Variants in EMC3 observed in about 807,000 individuals in gnomAD.
The protein encoded by EMC3 is ER membrane protein complex subunit 3.
Under a neutral mutation model 36.6 loss-of-function variants are expected in EMC3, and 13 were observed. The observed-to-expected ratio is 0.35, with a 90% confidence interval of 0.23 to 0.56. The LOEUF is 0.56. Ranked by LOEUF, EMC3 falls within the 20% of genes least tolerant of loss-of-function variation. The pLI, the probability that EMC3 is intolerant of heterozygous loss-of-function variation, is 0.84. For synonymous variants in EMC3, 120 were observed against 111.9 expected (o/e 1.07, Z -0.46); for missense variants, 220 against 324.5 (o/e 0.68, Z 2.47).
chr3:9,988,074 A>C (rs1304908376), upstream of EMC3: 1 of 601,952 alleles, frequency 1.7e-6, no homozygotes, highest in African/African-American at 1.9e-5. Context: ...CTGACATCCC[A>C]CAGTCAGAGT....
intron 6 of EMC3, 46 bp from the exon 7 acceptor site, chr3:9,969,847 AC>A: frequency 1.2e-6 from 2 of 1,603,046 alleles, no homozygotes; most frequent in Middle Eastern, 2.2e-4. Flanking sequence ...CTCAGCAAGC[AC>A]CCCAGCACCC....
intron 3 of EMC3, 79 bp from the exon 4 acceptor site, chr3:9,974,567 G>GTTT: frequency 1.0e-6 from 1 of 969,280 alleles, no homozygotes; most frequent in Non-Finnish European, 1.6e-6. Flanking sequence ...TCTGTAAACT[G>GTTT]TTTTTTTTTG....
chr3:9,964,472 A>G (rs1448800854), intron 7 of EMC3, among the ~76,000 whole-genome samples: 1 of 152,220 alleles, frequency 6.6e-6, no homozygotes, highest in Non-Finnish European at 1.5e-5. Flanking sequence ...CTGAGATTTA[A>G]ATTGTGGTCT....
At chr3:9,994,468 A>T in intron 1 of EMC3, 1 of 478,998 alleles carries the variant, frequency 2.1e-6, no homozygotes, top group Non-Finnish European at 3.8e-6. Flanking sequence ...CCCAGCCTTG[A>T]TGAAATGAAG....
At chr3:9,982,895 A>G (rs1028198121) in intron 1 of EMC3, among the ~76,000 whole-genome samples, 4 of 151,934 alleles carry the variant, frequency 2.6e-5, no homozygotes, top group Admixed American at 1.3e-4. Context: ...TTAAAAAAAA[A>G]AAAAGAAAAA....
chr3:9,994,293 G>GCA, intron 1 of EMC3: 8,123 of 908,934 alleles, frequency 8.9e-3, no homozygotes, highest in Non-Finnish European at 0.013. Flanking sequence ...CAAATAATGT[G>GCA]TTTATGTTTT....
At chr3:9,968,283 A>G (rs1031332185) in intron 7 of EMC3, among the ~76,000 whole-genome samples, 6 of 152,266 alleles carry the variant, frequency 3.9e-5, no homozygotes, top group African/African-American at 1.4e-4. Context: ...TATTATAAAT[A>G]AAATTGTTTT....
intron 7 of EMC3, among the ~76,000 whole-genome samples, chr3:9,964,924 T>C (rs1468934271): frequency 6.6e-6 from 1 of 152,108 alleles, no homozygotes; most frequent in African/African-American, 2.4e-5. Flanking sequence ...TACTTTGCCT[T>C]AAATTAGTGA....
At chr3:9,992,915 G>A in intron 1 of EMC3, 1 of 1,610,392 alleles carries the variant, frequency 6.2e-7, no homozygotes, top group South Asian at 1.1e-5. Flanking sequence ...CCAATACTCA[G>A]ACAAAGAAGT....
At chr3:9,969,944 T>G in intron 6 of EMC3, 143 bp from the exon 7 acceptor site, 11 of 1,360,142 alleles carry the variant, frequency 8.1e-6, no homozygotes, top group South Asian at 1.6e-5. Context: ...TATGTGACTC[T>G]AGGAAAGTCA....
intron 1 of EMC3, among the ~76,000 whole-genome samples, chr3:9,996,766 A>C (rs553372673): frequency 6.6e-6 from 1 of 152,318 alleles, no homozygotes; most frequent in South Asian, 2.1e-4. Flanking sequence ...AGGGACAATC[A>C]CTTTATAACC....
chr3:9,983,798 T>C (rs1035170694), intron 1 of EMC3, among the ~76,000 whole-genome samples: 3 of 152,050 alleles, frequency 2.0e-5, no homozygotes, highest in Admixed American at 6.6e-5. Flanking sequence ...GGGCAGAAAA[T>C]CATGGCAGAG....
chr3:9,994,624 A>G (rs2687910), intron 1 of EMC3, among the ~76,000 whole-genome samples: 1 of 150,036 alleles, frequency 6.7e-6, no homozygotes, highest in African/African-American at 2.5e-5. Context: ...AGGCTGGAGT[A>G]CAGTGGCGCA....
At chr3:10,003,546 A>ACT (rs2086229137) in intron 1 of EMC3, 2 of 283,470 alleles carry the variant, frequency 7.1e-6, no homozygotes, top group Non-Finnish European at 1.4e-5. Context: ...GAACTGTAAA[A>ACT]TCCTGGACAC....
intron 7 of EMC3, among the ~76,000 whole-genome samples, chr3:9,965,840 C>T (rs140914309): frequency 2.9e-4 from 44 of 152,320 alleles, no homozygotes; most frequent in African/African-American, 8.7e-4. Context: ...CTGAATAACA[C>T]TCCATTGTAT....
intron 3 of EMC3, among the ~76,000 whole-genome samples, chr3:9,975,959 C>A (rs1424172668): frequency 6.6e-6 from 1 of 151,706 alleles, no homozygotes; most frequent in Non-Finnish European, 1.5e-5. Flanking sequence ...TAACTCCATA[C>A]AACCTTAGTC....
rs780255014 is a variant in EMC3 at position 9,976,974 on chromosome 3, G to A, written c.290C>T (p.Pro97Leu). Residue 97 changes from proline to leucine, a missense_variant, in exon 3 of 8, where the codon CCA (proline) becomes CTA (leucine). By Grantham distance (98) the Pro-to-Leu change is moderately conservative. Transcript: ENST00000245046. The stretch of plus-strand genomic sequence containing the variant: ...AAACATACCAGTCATAGGAGAAGGT[G>A]GCACTACCTTCCGTTTAGTTTTTTT... Reference protein sequence around the residue: ...FFKKTKRKVVPPSPMTDPTML... With the variant: ...FFKKTKRKVVLPSPMTDPTML... The A allele has an allele frequency of 1.9e-6, 3 of 1,611,258 alleles. No homozygotes were observed. Among genetic ancestry groups the A allele is most frequent in the Admixed American group, 3.4e-5 (2 of 59,534 alleles).
At chr3:9,967,067 C>A (rs1055681161) in intron 7 of EMC3, among the ~76,000 whole-genome samples, 7 of 152,204 alleles carry the variant, frequency 4.6e-5, no homozygotes, top group African/African-American at 1.7e-4. Context: ...TGCCCCCCAT[C>A]CCATCCTCAG....
intron 1 of EMC3, among the ~76,000 whole-genome samples, chr3:9,995,797 T>C (rs9312044): frequency 0.25 from 37,935 of 151,814 alleles, 5,940 homozygotes; most frequent in African/African-American, 0.44. Flanking sequence ...GTCACCACAA[T>C]CGGCTGATTT....
Sources: allele counts gnomAD v4.1 joint callset (sites outside exome capture counted in the v4.1 genomes callset), GRCh38; gene constraint gnomAD v4.1.1; transcripts MANE v1.5; gene names NCBI Gene and HGNC (gene_info 2026-07-23, HGNC 2026-07-21).